Variants in USH2A observed in about 807,000 individuals in gnomAD.
USH2A encodes the protein usherin.
A neutral mutation model predicts 538.9 loss-of-function variants in USH2A; 443 were observed. That is an observed-to-expected ratio of 0.82 (90% CI 0.76 to 0.89). USH2A has a LOEUF of 0.89. USH2A is among the 40% of genes least tolerant of loss of function. The probability of loss-of-function intolerance (pLI) is 0.00; values close to 1 mark genes in which losing one functional copy is unlikely to be tolerated. For missense variants in USH2A, 6,633 were observed against 6,324.8 expected, an observed-to-expected ratio of 1.05 and a Z score of -1.65; for synonymous variants, 2,413 against 2,273.5, an observed-to-expected ratio of 1.06 and a Z score of -1.75.
chr1:216,300,180 A>C (rs1473829), intron 9 of USH2A, among the ~76,000 whole-genome samples: 1 of 152,020 alleles, frequency 6.6e-6, no homozygotes, highest in East Asian at 1.9e-4. Flanking sequence ...ATAATTTTCA[A>C]CTGCCTTTTC....
chr1:216,321,081 C>A (rs1374841107), intron 9 of USH2A, among the ~76,000 whole-genome samples: 2 of 151,940 alleles, frequency 1.3e-5, no homozygotes, highest in African/African-American at 4.8e-5. Flanking sequence ...AAGTTTAAGC[C>A]ACATACATTT....
intron 13 of USH2A, among the ~76,000 whole-genome samples, chr1:216,239,559 T>G (rs2035894284): frequency 6.6e-6 from 1 of 152,178 alleles, no homozygotes; most frequent in Admixed American, 6.6e-5. Flanking sequence ...GTCAGAGAGT[T>G]CATGGACATT....
At chr1:216,052,412 T>A (rs1449841579) in intron 30 of USH2A, among the ~76,000 whole-genome samples, 3 of 151,926 alleles carry the variant, frequency 2.0e-5, no homozygotes, top group Non-Finnish European at 4.4e-5. Context: ...GTTTTGGTTC[T>A]TGCCAACTTT....
intron 47 of USH2A, among the ~76,000 whole-genome samples, chr1:215,825,441 C>T (rs960332391): frequency 6.6e-6 from 1 of 151,320 alleles, no homozygotes; most frequent in Non-Finnish European, 1.5e-5. Context: ...TACCTTTACA[C>T]AGGTGAATAT....
intron 61 of USH2A, among the ~76,000 whole-genome samples, chr1:215,718,638 C>T (rs916728788): frequency 5.3e-5 from 8 of 152,272 alleles, no homozygotes; most frequent in Admixed American, 1.3e-4. Context: ...TCACTTTTAT[C>T]GGCTGTGAAC....
intron 44 of USH2A, among the ~76,000 whole-genome samples, chr1:215,851,446 T>C (rs1177444744): frequency 3.3e-5 from 5 of 152,032 alleles, no homozygotes; most frequent in Non-Finnish European, 5.9e-5. Flanking sequence ...CTAGAAAACC[T>C]AGATAAACTC....
intron 43 of USH2A, among the ~76,000 whole-genome samples, chr1:215,875,280 A>G (rs1664733971): frequency 6.6e-6 from 1 of 151,784 alleles, no homozygotes. Context: ...AATGTTAAGA[A>G]GAAATGCTTT....
At chr1:215,889,532 T>C (rs1665156409) in intron 40 of USH2A, among the ~76,000 whole-genome samples, 1 of 152,152 alleles carries the variant, frequency 6.6e-6, no homozygotes, top group African/African-American at 2.4e-5. Context: ...ATATTATACT[T>C]GGTTCTGTTT....
chr1:215,851,657 T>A (rs1664018904), intron 44 of USH2A, among the ~76,000 whole-genome samples: 1 of 151,890 alleles, frequency 6.6e-6, no homozygotes, highest in African/African-American at 2.4e-5. Context: ...CCAAAAGATA[T>A]AGAAAGAAGA....
At chr1:215,813,972 T>C (rs1444854907) in intron 48 of USH2A, 68 bp from the exon 49 acceptor site, 4 of 1,512,008 alleles carry the variant, frequency 2.6e-6, no homozygotes, top group Admixed American at 1.8e-5. Context: ...CTGTATCTCA[T>C]GTAATATAAT....
chr1:216,010,641 C>T (rs59955176), intron 32 of USH2A, among the ~76,000 whole-genome samples: 21,303 of 151,600 alleles, frequency 0.14, 1,594 homozygotes, highest in Middle Eastern at 0.23. Context: ...ATAACTGTTG[C>T]AGGTATTGAC....
chr1:216,128,265 A>C (rs913104055), intron 21 of USH2A, among the ~76,000 whole-genome samples: 1 of 152,148 alleles, frequency 6.6e-6, no homozygotes, highest in Non-Finnish European at 1.5e-5. Context: ...GCTACTAAAA[A>C]CAATGTGTAA....
intron 30 of USH2A, among the ~76,000 whole-genome samples, chr1:216,056,642 TAA>T (rs1281966284): frequency 1.3e-5 from 2 of 152,198 alleles, no homozygotes; most frequent in South Asian, 2.1e-4. Context: ...TAAAATGTGT[TAA>T]GAGGTTCAAA....
intron 36 of USH2A, among the ~76,000 whole-genome samples, chr1:215,967,885 C>T (rs915837184): frequency 2.6e-5 from 4 of 152,018 alleles, no homozygotes; most frequent in Middle Eastern, 3.2e-3. Flanking sequence ...CCTATAGTCT[C>T]GCATATCATC....
intron 29 of USH2A, 150 bp from the exon 30 acceptor site, chr1:216,070,442 A>C: frequency 1.3e-6 from 1 of 759,136 alleles, no homozygotes. Context: ...GCATTGATTT[A>C]ATATGACTGC....
intron 40 of USH2A, among the ~76,000 whole-genome samples, chr1:215,894,814 A>T (rs1270649830): frequency 6.6e-6 from 1 of 152,186 alleles, no homozygotes; most frequent in African/African-American, 2.4e-5. Flanking sequence ...GGACAACCTG[A>T]GAGTCCCTCT....
chr1:216,337,814 TG>T (rs1341708394), intron 4 of USH2A, among the ~76,000 whole-genome samples: 1 of 151,318 alleles, frequency 6.6e-6, no homozygotes, highest in Non-Finnish European at 1.5e-5. Context: ...TGTTCCAAAA[TG>T]GTGTTGGAAA....
chr1:215,935,922 G>A lies in USH2A; in HGVS notation c.7121-1127C>T, dbSNP rs76295668. On this transcript the variant is annotated intron_variant, in intron 37 of 71. Transcript: ENST00000307340. Reference sequence around the variant, plus strand: ...TATCTGGTCATGGTGGTATGAGCCTGTAGTTCTAGCTACTCAGGAGGCTGA... The same window carrying A: ...TATCTGGTCATGGTGGTATGAGCCTATAGTTCTAGCTACTCAGGAGGCTGA... Among the ~76,000 whole-genome samples, 398 of 152,088 alleles carry A rather than the reference G, an allele frequency of 2.6e-3. 2 individuals carry two copies. Among genetic ancestry groups the A allele is most frequent in the African/African-American group, 8.5e-3 (354 of 41,518 alleles).
At chr1:216,315,165 C>T (rs558335796) in intron 9 of USH2A, among the ~76,000 whole-genome samples, 1 of 151,584 alleles carries the variant, frequency 6.6e-6, no homozygotes, top group East Asian at 1.9e-4. Context: ...ACAGATAAAC[C>T]CAGGCTTCCA....
Sources: gnomAD v4.1 joint callset for allele counts (sites outside exome capture counted in the v4.1 genomes callset) on GRCh38, gnomAD v4.1.1 for gene constraint, MANE v1.5 for transcripts, NCBI Gene and HGNC (gene_info 2026-07-23, HGNC 2026-07-21) for gene names.